The following PDE3A variants were observed in gnomAD, a reference collection of about 807,000 sequenced individuals.
PDE3A encodes the protein cGMP-inhibited 3',5'-cyclic phosphodiesterase 3A.
In PDE3A, 43 loss-of-function variants were observed where a neutral mutation model predicts 98.3. The ratio of observed to expected loss-of-function variants is 0.44; its 90% CI spans 0.34 to 0.56. The LOEUF (loss-of-function observed/expected upper bound fraction) is 0.56, where lower values mean the gene tolerates loss of function less well. Ranked by LOEUF, PDE3A falls within the 20% of genes least tolerant of loss-of-function variation. PDE3A has a pLI of 0.01. For missense variants in PDE3A, 1,427 were observed against 1,440.7 expected (o/e 0.99, Z 0.15); for synonymous variants, 663 against 567.9 (o/e 1.17, Z -2.38).
At chr12:20,371,221 T>C (rs1472749112) in intron 1 of PDE3A, 3 of 203,334 alleles carry the variant, frequency 1.5e-5, no homozygotes, top group African/African-American at 7.1e-5. Flanking sequence ...TATAGAACAG[T>C]TGCTATAAAG....
chr12:20,440,869 A>T (rs976619482), intron 1 of PDE3A, among the ~76,000 whole-genome samples: 5 of 152,164 alleles, frequency 3.3e-5, no homozygotes, highest in African/African-American at 1.2e-4. Flanking sequence ...TCAATATGCC[A>T]TGCCATTTTA....
chr12:20,583,628 A>T (rs1186076757), intron 2 of PDE3A, among the ~76,000 whole-genome samples: 1 of 152,216 alleles, frequency 6.6e-6, no homozygotes, highest in East Asian at 1.9e-4. Flanking sequence ...AATACACATA[A>T]TATTAGTACC....
intron 1 of PDE3A, among the ~76,000 whole-genome samples, chr12:20,373,571 C>G (rs1468452451): frequency 6.6e-6 from 1 of 152,002 alleles, no homozygotes. Flanking sequence ...CTGAGACCAC[C>G]TTACACATTC....
chr12:20,646,666 G>GC, intron 11 of PDE3A, 63 bp downstream of exon 11: 1 of 1,421,814 alleles, frequency 7.0e-7, no homozygotes, highest in Non-Finnish European at 9.9e-7. Context: ...TTTTGTTTTT[G>GC]TTTTTTTTCA....
rs1443586772 is a variant in PDE3A at position 20,411,540 on chromosome 12, G to A, written c.960+41296G>A. Among the ~76,000 whole-genome samples, 3 of 150,886 alleles carry A rather than the reference G, an allele frequency of 2.0e-5. No individual in the cohort carries two copies. The East Asian group carries it at 5.8e-4, about 29-fold the overall frequency. ...ACTCTTTTTTTTTTCCTATCTTTATGCTGTCGCTGACAACTAGAAGGCCTA... is the reference window on the plus strand; with the variant it reads ...ACTCTTTTTTTTTTCCTATCTTTATACTGTCGCTGACAACTAGAAGGCCTA... On this transcript the variant is annotated intron_variant, in intron 1 of 15. Transcript: ENST00000359062.
chr12:20,374,815 G>A (rs1428218084), intron 1 of PDE3A, among the ~76,000 whole-genome samples: 2 of 151,994 alleles, frequency 1.3e-5, no homozygotes, highest in African/African-American at 2.4e-5. Flanking sequence ...TTGAAAACGT[G>A]TGTTATTTTA....
At position 20,614,907 on chromosome 12, in the gene PDE3A, G is replaced by A. The variant is rs188408671; in HGVS notation, c.1269+1207G>A. Among the ~76,000 whole-genome samples the A allele has an allele frequency of 2.8e-4, 42 of 151,934 alleles. No homozygotes were observed. In the Middle Eastern group the frequency reaches 0.01, roughly 37 times the overall value. On this transcript the variant is annotated intron_variant, in intron 3 of 15. Transcript: ENST00000359062. ...GTTGGTTTATTAGGAGTGATTAGCC[G>A]CAGATAAAAGTGGGTTGTGGTTCTG... is the stretch of plus-strand genomic sequence containing the variant.
intron 6 of PDE3A, among the ~76,000 whole-genome samples, chr12:20,632,134 G>A (rs908833827): frequency 3.9e-5 from 6 of 152,234 alleles, no homozygotes; most frequent in Admixed American, 3.3e-4. Flanking sequence ...CCTGAGCTTC[G>A]TCTGAGAATG....
Position 20,686,409 on chromosome 12 carries a change from A to G in PDE3A, c.*6138A>G, listed in dbSNP as rs537761043. 9.9e-5 allele frequency among the ~76,000 whole-genome samples: 15 copies of G among 152,276 alleles called. No individual in the cohort carries two copies. The highest frequency in any genetic ancestry group is 3.6e-4 in the African/African-American group (15 of 41,588). On this transcript the variant is annotated 3_prime_UTR_variant, in exon 16 of 16. Transcript: ENST00000359062. Reference sequence around the variant, plus strand: ...TATCTTTCCTACTAAGAAAAATTAAACCTTACTAATCTTGACTTTCACAGA... The same window carrying G: ...TATCTTTCCTACTAAGAAAAATTAAGCCTTACTAATCTTGACTTTCACAGA...
At chr12:20,588,674 C>T (rs1476565434) in intron 2 of PDE3A, among the ~76,000 whole-genome samples, 1 of 152,056 alleles carries the variant, frequency 6.6e-6, no homozygotes, top group African/African-American at 2.4e-5. Flanking sequence ...CCCCATGCTG[C>T]CTTGTCAGCC....
intron 1 of PDE3A, among the ~76,000 whole-genome samples, chr12:20,487,828 C>A (rs776280255): frequency 2.0e-5 from 3 of 152,012 alleles, no homozygotes; most frequent in African/African-American, 7.2e-5. Context: ...ACAATAAAAG[C>A]CAGAGAAATG....
At chr12:20,406,534 T>C (rs1216891268) in intron 1 of PDE3A, among the ~76,000 whole-genome samples, 2 of 152,178 alleles carry the variant, frequency 1.3e-5, no homozygotes, top group African/African-American at 4.8e-5. Context: ...TCTTTAAAAA[T>C]AGTTCTTTGC....
At chr12:20,377,428 G>C in intron 1 of PDE3A, among the ~76,000 whole-genome samples, 1 of 151,700 alleles carries the variant, frequency 6.6e-6, no homozygotes, top group Non-Finnish European at 1.5e-5. Context: ...TAAATATCTT[G>C]TGTGTGTTTT....
chr12:20,369,990 T>C lies in PDE3A; in HGVS notation c.706T>C (p.Trp236Arg), dbSNP rs1235203894. Residue 236 changes from tryptophan (W) to arginine (R), a missense_variant, in exon 1 of 16, where the codon TGG (tryptophan) becomes CGG (arginine). By Grantham distance (101) the Trp-to-Arg change is moderately radical. Around this residue, in one of 3 missense-constraint regions of PDE3A, gnomAD observed 1,012 missense variants for 886.5 expected, o/e 1.14. Coordinates refer to ENST00000359062, the MANE Select transcript of PDE3A (RefSeq NM_000921.5). ...LISLERFKVA[W>R]RPYLAYLAGV... ...TTCCTTAGAGAGGTTCAAGGTCGCC[T>C]GGAGACCTTACCTGGCGTACCTGGC... 2.5e-6 allele frequency: 4 copies of C among 1,613,202 alleles called. No individual in the cohort carries two copies. Among genetic ancestry groups the C allele is most frequent in the South Asian group, 2.2e-5 (2 of 91,080 alleles).
At chr12:20,614,453 G>T (rs149322706) in intron 3 of PDE3A, among the ~76,000 whole-genome samples, 21 of 152,248 alleles carry the variant, frequency 1.4e-4, no homozygotes, top group African/African-American at 5.1e-4. Context: ...CCTTTGAGCT[G>T]GTGGTCAGTC....
intron 15 of PDE3A, among the ~76,000 whole-genome samples, chr12:20,676,740 C>G (rs1193271468): frequency 6.6e-6 from 1 of 152,132 alleles, no homozygotes; most frequent in East Asian, 1.9e-4. Context: ...ACCTCGTGAT[C>G]TGCCTGTCTT....
intron 1 of PDE3A, among the ~76,000 whole-genome samples, chr12:20,466,996 G>GT: frequency 6.6e-6 from 1 of 152,186 alleles, no homozygotes; most frequent in East Asian, 1.9e-4. Flanking sequence ...TATTTTATTT[G>GT]TTTTTTGAGA....
chr12:20,541,477 T>G (rs905519690), intron 1 of PDE3A, among the ~76,000 whole-genome samples: 1 of 152,026 alleles, frequency 6.6e-6, no homozygotes, highest in African/African-American at 2.4e-5. Flanking sequence ...AAAAAAAGAA[T>G]GAGCAAGTCT....
In PDE3A at chr12:20,637,252, C is replaced by T. The variant is rs1326196700; in HGVS notation, c.2139+15C>T. 1 of 1,574,168 alleles carries T rather than the reference C, an allele frequency of 6.4e-7. No homozygotes were observed. Among genetic ancestry groups the T allele is most frequent in the Non-Finnish European group, 8.7e-7 (1 of 1,152,076 alleles). ...TTCTTAGTCAGGTAAGAAATGCATT[C>T]ATTCACACTAATTTAAATATAGGAA... On this transcript the variant is annotated intron_variant, in intron 9 of 15. Transcript: ENST00000359062.
Sources: gnomAD v4.1 joint callset for allele counts (sites outside exome capture counted in the v4.1 genomes callset) on GRCh38, gnomAD v4.1.1 for gene constraint, gnomAD v4.1.1 regional missense constraint, MANE v1.5 for transcripts, NCBI Gene and HGNC (gene_info 2026-07-23, HGNC 2026-07-21) for gene names.